Variants in FNTA observed in about 807,000 individuals in gnomAD.
FNTA encodes farnesyltransferase, CAAX box, subunit alpha.
FNTA carries 27 observed loss-of-function variants against 55.2 expected under a neutral mutation model. That is an observed-to-expected ratio of 0.49 (90% CI 0.36 to 0.67). FNTA has a LOEUF of 0.67. FNTA is among the 30% of genes least tolerant of loss of function. FNTA has a pLI of 0.00. For synonymous variants in FNTA, 176 were observed against 170.7 expected, an observed-to-expected ratio of 1.03 and a Z score of -0.24; for missense variants, 422 against 464.7, an observed-to-expected ratio of 0.91 and a Z score of 0.85.
In FNTA at chr8:43,085,159, G is replaced by T; in HGVS notation, c.1018-1G>T. 1.3e-6 allele frequency: 2 copies of T among 1,532,096 alleles called. No homozygotes were observed. Among genetic ancestry groups the T allele is most frequent in the Admixed American group, 2.1e-5 (1 of 47,770 alleles). The allele number at this position is 1,532,096 out of a possible 1,614,324, so 94.9% of individuals were successfully genotyped here. On this transcript the variant is annotated splice_acceptor_variant, in intron 8 of 8. Coordinates refer to ENST00000302279, the MANE Select transcript of FNTA (RefSeq NM_002027.3). LOFTEE classifies it high-confidence loss of function. The stretch of plus-strand genomic sequence containing the variant: ...CTTTAATTTTTATTTTTCATTTTCA[G>T]TTATGTGAAATCCTAGCTAAAGAAA...
intron 5 of FNTA, among the ~76,000 whole-genome samples, chr8:43,072,649 C>G (rs969258840): frequency 2.0e-5 from 3 of 152,148 alleles, no homozygotes; most frequent in Non-Finnish European, 2.9e-5. Flanking sequence ...ATTGCTTGAG[C>G]CCAAGAATTT....
chr8:43,085,355 T>A lies in FNTA; in HGVS notation c.*73T>A. 1 of 1,429,408 alleles carries A rather than the reference T, an allele frequency of 7.0e-7. No homozygotes were observed. Among genetic ancestry groups the A allele is most frequent in the Non-Finnish European group, 9.7e-7 (1 of 1,034,258 alleles). The allele number at this position is 1,429,408 out of a possible 1,614,324, so 88.5% of individuals were successfully genotyped here. On this transcript the variant is annotated 3_prime_UTR_variant, in exon 9 of 9. Coordinates refer to ENST00000302279, the MANE Select transcript of FNTA (RefSeq NM_002027.3). ...ACCCTGCAGGAGTTTCACACGAGAGTGGTCCTTCCCTTTGCCTGTGGTGTA... is the reference window on the plus strand; with the variant it reads ...ACCCTGCAGGAGTTTCACACGAGAGAGGTCCTTCCCTTTGCCTGTGGTGTA...
intron 4 of FNTA, among the ~76,000 whole-genome samples, chr8:43,071,531 G>A (rs957016995): frequency 6.6e-6 from 1 of 151,944 alleles, no homozygotes; most frequent in Admixed American, 6.6e-5. Flanking sequence ...AATTAGCCGG[G>A]CGTGGTGGCA....
intron 3 of FNTA, among the ~76,000 whole-genome samples, chr8:43,065,436 G>T (rs568963281): frequency 6.6e-6 from 1 of 151,632 alleles, no homozygotes; most frequent in East Asian, 2.0e-4. Context: ...TAGTAGAGAC[G>T]GGGTTTCATC....
intron 7 of FNTA, among the ~76,000 whole-genome samples, chr8:43,083,686 A>G (rs1031136071): frequency 1.3e-5 from 2 of 152,224 alleles, no homozygotes; most frequent in Admixed American, 1.3e-4. Context: ...CTAGGCTCAA[A>G]GAGCACAAAG....
intron 6 of FNTA, chr8:43,082,546 T>C (rs1017512930): frequency 7.9e-5 from 12 of 152,248 alleles, no homozygotes; most frequent in Non-Finnish European, 2.9e-5. Context: ...TTCCATATTA[T>C]TTAAAGGAAA....
chr8:43,067,911 G>GT (rs1378621832), intron 3 of FNTA, among the ~76,000 whole-genome samples: 3 of 151,616 alleles, frequency 2.0e-5, no homozygotes, highest in African/African-American at 4.8e-5. Flanking sequence ...TTGTTTGTTT[G>GT]TTTTTTGAGA....
At chr8:43,082,787 C>G (rs531022089) in intron 6 of FNTA, 52 of 174,826 alleles carry the variant, frequency 3.0e-4, no homozygotes, top group Admixed American at 6.3e-4. Context: ...GTGGCTCATG[C>G]CTATAATCCC....
intron 3 of FNTA, 94 bp from the exon 4 acceptor site, chr8:43,069,461 C>T: frequency 1.3e-6 from 1 of 772,736 alleles, no homozygotes; most frequent in Non-Finnish European, 2.2e-6. Flanking sequence ...AAAAATTTGT[C>T]TAACTGTATT....
Position 43,083,101 on chromosome 8 carries a change from A to G in FNTA, c.783-17A>G, listed in dbSNP as rs1292495916. The G allele has an allele frequency of 7.1e-7, 1 of 1,409,132 alleles. No individual in the cohort carries two copies. Among genetic ancestry groups the G allele is most frequent in the African/African-American group, 1.4e-5 (1 of 69,124 alleles). 87.3% of individuals were successfully genotyped at this position (1,409,132 alleles called of 1,614,324 possible). ...GCACTGTTCTTTTAAAATTGTATATATATATTTTTCTTGCAGATACACTCT... is the reference window on the plus strand; with the variant it reads ...GCACTGTTCTTTTAAAATTGTATATGTATATTTTTCTTGCAGATACACTCT... On this transcript the variant is annotated splice_polypyrimidine_tract_variant and intron_variant, in intron 6 of 8. Transcript: ENST00000302279.
intron 3 of FNTA, among the ~76,000 whole-genome samples, chr8:43,066,511 G>T (rs552051940): frequency 6.9e-6 from 1 of 145,670 alleles, no homozygotes; most frequent in Non-Finnish European, 1.5e-5. Flanking sequence ...CGCCCGCCTC[G>T]GCCTCCCAAA....
intron 5 of FNTA, chr8:43,073,718 CT>C (rs1810847937): frequency 6.6e-6 from 1 of 151,914 alleles, no homozygotes. Context: ...ATTGTGCCCC[CT>C]AGGGGACATT....
At position 43,085,467 on chromosome 8, in the gene FNTA, AT is replaced by A; in HGVS notation, c.*187del. 1 of 568,252 alleles carries A rather than the reference AT, an allele frequency of 1.8e-6. No individual in the cohort carries two copies. The highest frequency in any genetic ancestry group is 3.1e-6 in the Non-Finnish European group (1 of 326,450). 35.2% of individuals were successfully genotyped at this position (568,252 alleles called of 1,614,324 possible). On this transcript the variant is annotated 3_prime_UTR_variant, in exon 9 of 9. Transcript: ENST00000302279. ...ACTCAGACTAGCTCTAAGTAATGTGATTCTTCTAAAGCAAAGTCATTGGATG... is the reference window on the plus strand; with the variant it reads ...ACTCAGACTAGCTCTAAGTAATGTGATCTTCTAAAGCAAAGTCATTGGATG...
chr8:43,059,063 A>G, intron 1 of FNTA, 29 bp from the exon 2 acceptor site: 1 of 1,557,636 alleles, frequency 6.4e-7, no homozygotes, highest in Non-Finnish European at 8.8e-7. Flanking sequence ...TTTGAATGTA[A>G]CCACTGGTTG....
chr8:43,069,571 C>A lies in FNTA; in HGVS notation c.418C>A (p.Leu140Ile). 1.2e-6 allele frequency: 2 copies of A among 1,612,350 alleles called. No individual in the cohort carries two copies. The highest frequency in any genetic ancestry group is 1.7e-6 in the Non-Finnish European group (2 of 1,178,544). Residue 140 changes from leucine to isoleucine, a missense_variant, in exon 4 of 9, where the codon CTT becomes ATT. Physicochemically the swap from Leu to Ile is conservative, Grantham distance 5. Around this residue, in one of 2 missense-constraint regions of FNTA, gnomAD observed 262 missense variants for 343.1 expected, o/e 0.76. Coordinates refer to ENST00000302279, the MANE Select transcript of FNTA (RefSeq NM_002027.3). ...TTGCCCTAGGCATTTCCGGAGAGTT[C>A]TTTTGAAGTCACTTCAGAAGGATCT... ...NYTVWHFRRV[L>I]LKSLQKDLHE...
chr8:43,064,306 C>G, intron 3 of FNTA, 91 bp downstream of exon 3: 1 of 818,390 alleles, frequency 1.2e-6, no homozygotes, highest in Non-Finnish European at 2.0e-6. Flanking sequence ...TTTTTTTAAA[C>G]TGTACTTTAT....
intron 4 of FNTA, among the ~76,000 whole-genome samples, chr8:43,070,601 ACT>A (rs1291654151): frequency 2.0e-5 from 3 of 152,338 alleles, no homozygotes; most frequent in East Asian, 1.9e-4. Context: ...GATACTGCAC[ACT>A]GTCATTAGCA....
intron 1 of FNTA, chr8:43,057,250 C>T (rs1810430319): frequency 1.3e-5 from 2 of 152,208 alleles, no homozygotes; most frequent in Non-Finnish European, 2.9e-5. Flanking sequence ...ATGTTGATTC[C>T]TAATTCCCTG....
intron 2 of FNTA, chr8:43,063,362 A>G (rs140740415): frequency 9.7e-5 from 44 of 454,614 alleles, no homozygotes; most frequent in African/African-American, 4.2e-4. Context: ...TTGTAATCCA[A>G]TGCTCCCAAT....
Sources: allele counts gnomAD v4.1 joint callset (sites outside exome capture counted in the v4.1 genomes callset), GRCh38; gene constraint gnomAD v4.1.1; regional missense constraint gnomAD v4.1.1; transcripts MANE v1.5; gene names NCBI Gene and HGNC (gene_info 2026-07-23, HGNC 2026-07-21).